The following PTPRD variants were observed in gnomAD, a reference collection of about 807,000 sequenced individuals.
PTPRD encodes the protein receptor-type tyrosine-protein phosphatase delta.
In PTPRD, 34 loss-of-function variants were observed where a neutral mutation model predicts 214.5. The observed-to-expected ratio is 0.16, with a 90% CI of 0.12 to 0.21. The LOEUF is 0.21. Ranked by LOEUF, PTPRD falls within the 10% of genes least tolerant of loss-of-function variation. The probability of loss-of-function intolerance (pLI) is 1.00; values close to 1 mark genes in which losing one functional copy is unlikely to be tolerated. For synonymous variants in PTPRD, 1,128 were observed against 845.7 expected, an observed-to-expected ratio of 1.33 and a Z score of -5.79; for missense variants, 2,545 against 2,398.7, an observed-to-expected ratio of 1.06 and a Z score of -1.27.
intron 11 of PTPRD, among the ~76,000 whole-genome samples, chr9:8,830,860 A>C (rs2097274412): frequency 6.6e-6 from 1 of 152,146 alleles, no homozygotes; most frequent in Non-Finnish European, 1.5e-5. Context: ...CTGTTGCCTC[A>C]TTTTTCTAAC....
At chr9:9,750,412 A>T (rs1312186828) in intron 6 of PTPRD, among the ~76,000 whole-genome samples, 3 of 152,256 alleles carry the variant, frequency 2.0e-5, no homozygotes, top group African/African-American at 7.2e-5. Flanking sequence ...CTTATATACA[A>T]ACCATGATGC....
intron 9 of PTPRD, among the ~76,000 whole-genome samples, chr9:9,284,585 G>A (rs996030252): frequency 2.0e-5 from 3 of 151,724 alleles, no homozygotes; most frequent in Admixed American, 6.6e-5. Context: ...GTCCCTCAGA[G>A]AAGTTTTTGA....
intron 12 of PTPRD, among the ~76,000 whole-genome samples, chr9:8,730,861 T>C (rs75916838): frequency 6.6e-6 from 1 of 152,184 alleles, no homozygotes; most frequent in African/African-American, 2.4e-5. Flanking sequence ...AAGTCGCATA[T>C]GCCCTTCCCT....
chr9:8,934,482 T>TATATATATTA (rs2098980473), intron 11 of PTPRD, among the ~76,000 whole-genome samples: 3 of 7,652 alleles, frequency 3.9e-4, no homozygotes, highest in African/African-American at 1.1e-3. Flanking sequence ...TATATAAATA[T>TATATATATTA]ATATATATAT....
chr9:8,514,687 T>A (rs568741168), intron 21 of PTPRD, among the ~76,000 whole-genome samples: 1 of 152,316 alleles, frequency 6.6e-6, no homozygotes, highest in East Asian at 1.9e-4. Context: ...TTTTCATTAT[T>A]GAATACCTAC....
At position 8,527,143 on chromosome 9, in the gene PTPRD, A is replaced by G. The variant is rs2074381726; in HGVS notation, c.550+202T>C. Among the ~76,000 whole-genome samples, 5 of 148,916 alleles carry G rather than the reference A, an allele frequency of 3.4e-5. No homozygotes were observed. In the South Asian group the frequency reaches 1.1e-3, roughly 31 times the overall value. ...TTGCTATGCTACATTGGTGTGCCAT[A>G]ACTTGTGTACTATTTAATTTTTCTG... is the stretch of plus-strand genomic sequence containing the variant. On this transcript the variant is annotated intron_variant, in intron 16 of 45. Coordinates refer to ENST00000381196, the MANE Select transcript of PTPRD (RefSeq NM_002839.4).
At chr9:8,958,675 A>G (rs2099144038) in intron 11 of PTPRD, 1 of 151,986 alleles carries the variant, frequency 6.6e-6, no homozygotes, top group Admixed American at 6.6e-5. Context: ...AATTGAGCCT[A>G]GTTATTTCTA....
At chr9:10,397,094 G>A (rs1220901330) in intron 2 of PTPRD, among the ~76,000 whole-genome samples, 1 of 151,982 alleles carries the variant, frequency 6.6e-6, no homozygotes, top group Non-Finnish European at 1.5e-5. Flanking sequence ...CAGAAAATGT[G>A]TCTCCTTTAT....
At chr9:10,214,204 T>C (rs2099530095) in intron 3 of PTPRD, among the ~76,000 whole-genome samples, 1 of 152,070 alleles carries the variant, frequency 6.6e-6, no homozygotes, top group African/African-American at 2.4e-5. Flanking sequence ...GCTAGAAAAA[T>C]ATGGAAATTC....
At chr9:8,339,992 T>C (rs1393959025) in intron 42 of PTPRD, among the ~76,000 whole-genome samples, 1 of 152,040 alleles carries the variant, frequency 6.6e-6, no homozygotes, top group Non-Finnish European at 1.5e-5. Context: ...AGTTCCTTCA[T>C]AAGTAGAAAT....
At chr9:9,914,385 C>T (rs747713325) in intron 5 of PTPRD, among the ~76,000 whole-genome samples, 13 of 152,198 alleles carry the variant, frequency 8.5e-5, no homozygotes, top group Non-Finnish European at 1.5e-4. Flanking sequence ...TGTCTTGGGC[C>T]TTGAGCTTCA....
chr9:8,558,299 C>T (rs2084795316), intron 14 of PTPRD, among the ~76,000 whole-genome samples: 1 of 152,160 alleles, frequency 6.6e-6, no homozygotes, highest in Non-Finnish European at 1.5e-5. Flanking sequence ...GTTTTTCATT[C>T]AGCCTTGCCA....
At chr9:8,326,128 G>A (rs1259570287) in intron 44 of PTPRD, among the ~76,000 whole-genome samples, 1 of 152,232 alleles carries the variant, frequency 6.6e-6, no homozygotes, top group Non-Finnish European at 1.5e-5. Flanking sequence ...CAGTGAGAGA[G>A]GGCATCCCTC....
intron 12 of PTPRD, among the ~76,000 whole-genome samples, chr9:8,680,593 G>C (rs189918984): frequency 2.6e-5 from 4 of 151,870 alleles, no homozygotes; most frequent in Admixed American, 2.0e-4. Context: ...CATAATGTAC[G>C]TACATCTATA....
chr9:10,554,202 G>T (rs1017914932), intron 2 of PTPRD, among the ~76,000 whole-genome samples: 9 of 152,042 alleles, frequency 5.9e-5, no homozygotes, highest in African/African-American at 1.9e-4. Flanking sequence ...GCCCTTAAAT[G>T]GAAATATGTT....
At chr9:9,994,555 G>T (rs1244990684) in intron 4 of PTPRD, among the ~76,000 whole-genome samples, 1 of 151,698 alleles carries the variant, frequency 6.6e-6, no homozygotes, top group African/African-American at 2.4e-5. Flanking sequence ...ATCTGTTAAA[G>T]GACAAAGAAC....
At chr9:10,175,714 C>T (rs1190752413) in intron 3 of PTPRD, among the ~76,000 whole-genome samples, 1 of 151,886 alleles carries the variant, frequency 6.6e-6, no homozygotes, top group African/African-American at 2.4e-5. Context: ...TTTCAAAAAT[C>T]TTTCTTTAAA....
intron 9 of PTPRD, among the ~76,000 whole-genome samples, chr9:9,305,848 C>A (rs1469765293): frequency 6.6e-6 from 1 of 152,116 alleles, no homozygotes; most frequent in East Asian, 1.9e-4. Context: ...AGCTGCAAGA[C>A]AAGAAACTCC....
intron 14 of PTPRD, among the ~76,000 whole-genome samples, chr9:8,531,746 G>C (rs75525046): frequency 7.2e-5 from 11 of 151,972 alleles, no homozygotes; most frequent in African/African-American, 2.7e-4. Context: ...TTCATCTCTC[G>C]GAAGAACTGA....
Sources: gnomAD v4.1 joint callset for allele counts (sites outside exome capture counted in the v4.1 genomes callset) on GRCh38, gnomAD v4.1.1 for gene constraint, MANE v1.5 for transcripts, NCBI Gene and HGNC (gene_info 2026-07-23, HGNC 2026-07-21) for gene names.